Variants in BUB1B observed in about 807,000 individuals in gnomAD.
The protein encoded by BUB1B is mitotic checkpoint serine/threonine-protein kinase BUB1 beta.
BUB1B carries 86 observed loss-of-function variants against 137.7 expected under a neutral mutation model. That is an observed-to-expected ratio of 0.62 (90% CI 0.52 to 0.75). BUB1B has a LOEUF of 0.75. BUB1B is among the 30% of genes least tolerant of loss of function. The pLI, the probability that BUB1B is intolerant of heterozygous loss-of-function variation, is 0.00. For missense variants in BUB1B, 1,130 were observed against 1,236.9 expected (o/e 0.91, Z 1.30); for synonymous variants, 420 against 417.9 (o/e 1.00, Z -0.06).
chr15:40,200,247 G>A lies in BUB1B; in HGVS notation c.1405G>A (p.Glu469Lys). 6.2e-7 allele frequency: 1 copy of A among 1,611,436 alleles called. No individual in the cohort carries two copies. The highest frequency in any genetic ancestry group is 8.5e-7 in the Non-Finnish European group (1 of 1,177,886). Residue 469 changes from glutamate (E) to lysine (K), a missense_variant, in exon 11 of 23, where the codon GAA (glutamate) becomes AAA (lysine). Physicochemically the swap from Glu to Lys is moderately conservative, Grantham distance 56. Transcript: ENST00000287598. ...TTTGTTTATTTAATGCAAACAGCAAGAAGAGACGATGCCTACAAAGGAGAC... is the reference window on the plus strand; with the variant it reads ...TTTGTTTATTTAATGCAAACAGCAAAAAGAGACGATGCCTACAAAGGAGAC... ...TQQERTGDQQ[E>K]ETMPTKETTK... is the part of the protein sequence containing the mutation.
At chr15:40,164,823 G>C (rs1328315546) in intron 1 of BUB1B, among the ~76,000 whole-genome samples, 1 of 151,772 alleles carries the variant, frequency 6.6e-6, no homozygotes, top group African/African-American at 2.4e-5. Context: ...TTATAGTACT[G>C]TCTACGATAT....
intron 8 of BUB1B, among the ~76,000 whole-genome samples, chr15:40,193,332 A>G (rs1052704966): frequency 2.0e-5 from 3 of 151,930 alleles, no homozygotes; most frequent in African/African-American, 7.3e-5. Flanking sequence ...TGTTGTCAAT[A>G]TTTTAGATTT....
At position 40,183,744 on chromosome 15, in the gene BUB1B, T is replaced by C; in HGVS notation, c.612T>C (p.Thr204=). The C allele has an allele frequency of 6.2e-7, 1 of 1,614,104 alleles. No individual in the cohort carries two copies. Among genetic ancestry groups the C allele is most frequent in the Non-Finnish European group, 8.5e-7 (1 of 1,179,990 alleles). The change falls in exon 6 of 23, where the codon ACT becomes ACC. Residue 204 remains threonine (T), a synonymous_variant. Transcript: ENST00000287598. ...TCCAAGCTCGAGTGTCTCGGCAAAC[T>C]CTGTTGGCACTTGAGAAAGAAGAAG... ...RQFQARVSRQ[T]LLALEKEEEE... is the part of the protein sequence containing the mutation.
At chr15:40,196,451 A>G in intron 8 of BUB1B, 94 bp from the exon 9 acceptor site, 1 of 1,158,002 alleles carries the variant, frequency 8.6e-7, no homozygotes, top group Middle Eastern at 2.5e-4. Flanking sequence ...ATAATTATTG[A>G]TGGCCCTTGT....
At chr15:40,170,704 C>A (rs2037151981) in intron 4 of BUB1B, 23 bp downstream of exon 4, 1 of 1,609,760 alleles carries the variant, frequency 6.2e-7, no homozygotes, top group South Asian at 1.1e-5. Flanking sequence ...CAAGTGCCAT[C>A]TGAGTTTTAA....
At chr15:40,189,661 C>T (rs972787001) in intron 8 of BUB1B, among the ~76,000 whole-genome samples, 1 of 152,184 alleles carries the variant, frequency 6.6e-6, no homozygotes, top group Admixed American at 6.5e-5. Context: ...ATGGATAATG[C>T]TGCTGTGAAT....
In BUB1B at chr15:40,213,397, G is replaced by C; in HGVS notation, c.2601G>C (p.Leu867Phe). The change falls in exon 20 of 23, where the codon TTG (leucine) becomes TTC (phenylalanine). Residue 867 changes from leucine to phenylalanine, a missense_variant. Transcript: ENST00000287598. ...EITVLIIYNL[L>F]TIVEMLHKAE... The stretch of plus-strand genomic sequence containing the variant: ...CAGTGTTGATTATTTATAACCTTTT[G>C]ACAATAGTGGAGATGCTACACAAAG... 1 of 1,613,836 alleles carries C rather than the reference G, an allele frequency of 6.2e-7. No individual in the cohort carries two copies. The highest frequency in any genetic ancestry group is 8.5e-7 in the Non-Finnish European group (1 of 1,179,794).
intron 4 of BUB1B, among the ~76,000 whole-genome samples, chr15:40,172,169 GAA>G (rs2037170915): frequency 6.6e-6 from 1 of 151,068 alleles, no homozygotes; most frequent in African/African-American, 2.4e-5. Context: ...AATAAAGTAA[GAA>G]ATAAATTTCT....
At chr15:40,218,383 C>A (rs2037830839) in intron 21 of BUB1B, 73 bp from the exon 22 acceptor site, 4 of 1,124,390 alleles carry the variant, frequency 3.6e-6, no homozygotes, top group African/African-American at 1.5e-5. Flanking sequence ...TACCTTTCAA[C>A]TTCCTACCGA....
intron 12 of BUB1B, among the ~76,000 whole-genome samples, chr15:40,201,942 T>C (rs1392937494): frequency 6.6e-6 from 1 of 152,192 alleles, no homozygotes; most frequent in Non-Finnish European, 1.5e-5. Context: ...GTGCTGGGAT[T>C]ACAGGTGTGA....
At chr15:40,189,977 A>G (rs1344601709) in intron 8 of BUB1B, among the ~76,000 whole-genome samples, 3 of 152,176 alleles carry the variant, frequency 2.0e-5, no homozygotes, top group Admixed American at 6.5e-5. Context: ...GCCTATTTTC[A>G]TAGGTTTATT....
At chr15:40,200,092 A>G in intron 10 of BUB1B, 152 bp from the exon 11 acceptor site, 1 of 697,906 alleles carries the variant, frequency 1.4e-6, no homozygotes. Flanking sequence ...TAGAGTAGGA[A>G]TAAAAATTAT....
intron 8 of BUB1B, among the ~76,000 whole-genome samples, chr15:40,191,886 G>A (rs958204563): frequency 2.6e-5 from 4 of 151,508 alleles, no homozygotes; most frequent in East Asian, 1.9e-4. Flanking sequence ...ACACGATCTC[G>A]ATTACTGCAG....
intron 20 of BUB1B, among the ~76,000 whole-genome samples, chr15:40,216,593 A>G (rs1215777102): frequency 1.6e-5 from 2 of 128,748 alleles, no homozygotes; most frequent in Non-Finnish European, 1.6e-5. Flanking sequence ...TTTTAATTAT[A>G]GTATAGTTTT....
intron 8 of BUB1B, among the ~76,000 whole-genome samples, chr15:40,189,980 G>C (rs1360576884): frequency 6.6e-6 from 1 of 152,104 alleles, no homozygotes; most frequent in Admixed American, 6.6e-5. Context: ...TATTTTCATA[G>C]GTTTATTGGC....
At chr15:40,188,171 C>T (rs1595521586) in intron 8 of BUB1B, among the ~76,000 whole-genome samples, 2 of 152,206 alleles carry the variant, frequency 1.3e-5, no homozygotes, top group East Asian at 3.9e-4. Flanking sequence ...CCTCAGCCTC[C>T]TGAGTAGCTG....
chr15:40,212,684 A>T (rs1188475751), intron 19 of BUB1B, 36 bp downstream of exon 19: 1 of 1,594,108 alleles, frequency 6.3e-7, no homozygotes, highest in East Asian at 2.2e-5. Flanking sequence ...AAAGTCCTGA[A>T]GTAGAGAGAT....
At chr15:40,219,488 G>T (rs1235004604) in intron 22 of BUB1B, among the ~76,000 whole-genome samples, 1 of 151,982 alleles carries the variant, frequency 6.6e-6, no homozygotes, top group South Asian at 2.1e-4. Context: ...TTGGGAGGCC[G>T]AGGCAGATTA....
chr15:40,220,991 C>T lies in BUB1B; in HGVS notation c.*232C>T. Reference sequence around the variant, plus strand: ...AGAACTATTTTATTCTAAACAGACTCATTACAAATGGTTACCTTGTTATTT... The same window carrying T: ...AGAACTATTTTATTCTAAACAGACTTATTACAAATGGTTACCTTGTTATTT... On this transcript the variant is annotated 3_prime_UTR_variant, in exon 23 of 23. Coordinates refer to ENST00000287598, the MANE Select transcript of BUB1B (RefSeq NM_001211.6). 3 of 556,160 alleles carry T rather than the reference C, an allele frequency of 5.4e-6. No homozygotes were observed. In the South Asian group the frequency reaches 6.3e-5, roughly 12 times the overall value. The allele number at this position is 556,160 out of a possible 1,614,324, so 34.5% of individuals were successfully genotyped here. A position where few individuals can be genotyped will look rare whatever the true frequency, so the allele number is the denominator to read the frequency against.
Sources: allele counts gnomAD v4.1 joint callset (sites outside exome capture counted in the v4.1 genomes callset), GRCh38; gene constraint gnomAD v4.1.1; transcripts MANE v1.5; gene names NCBI Gene and HGNC (gene_info 2026-07-23, HGNC 2026-07-21).